The following ATP6V1H variants were observed in gnomAD, a reference collection of about 807,000 sequenced individuals.
ATP6V1H encodes the protein V-type proton ATPase subunit H.
Under a neutral mutation model 71.7 loss-of-function variants are expected in ATP6V1H, and 39 were observed. That is an observed-to-expected ratio of 0.54 (90% confidence interval 0.42 to 0.71). The LOEUF is 0.71. Ranked by LOEUF, ATP6V1H falls within the 30% of genes least tolerant of loss-of-function variation. The pLI, the probability that ATP6V1H is intolerant of heterozygous loss-of-function variation, is 0.00. For synonymous variants in ATP6V1H, 192 were observed against 199.3 expected (o/e 0.96, Z 0.31); for missense variants, 509 against 594.9 (o/e 0.86, Z 1.50).
At position 53,826,862 on chromosome 8, in the gene ATP6V1H, G is replaced by A. The variant is rs539416032; in HGVS notation, c.306+2582C>T. On this transcript the variant is annotated intron_variant, in intron 4 of 13. Coordinates refer to ENST00000359530, the MANE Select transcript of ATP6V1H (RefSeq NM_015941.4). ...AGTTACTCTGGAGGCAGAGGCAGGA[G>A]AATTGCTTGAACCCAGGAGGCAGAG... 1.5e-4 allele frequency among the ~76,000 whole-genome samples: 23 copies of A among 151,792 alleles called. No individual in the cohort carries two copies. In the South Asian group the frequency reaches 4.2e-3, roughly 27 times the overall value.
intron 11 of ATP6V1H, among the ~76,000 whole-genome samples, chr8:53,761,346 A>AAAG (rs1554558237): frequency 5.5e-4 from 84 of 152,258 alleles, no homozygotes; most frequent in African/African-American, 1.9e-3. Context: ...CAAAAAAAAA[A>AAAG]AAAAGAAAAA....
intron 12 of ATP6V1H, 154 bp downstream of exon 12, chr8:53,756,401 T>G: frequency 1.7e-6 from 1 of 582,786 alleles, no homozygotes; most frequent in South Asian, 2.7e-5. Flanking sequence ...CATTTTTAAC[T>G]GGGTTTATCA....
At position 53,817,405 on chromosome 8, in the gene ATP6V1H, T is replaced by C. The variant is rs748390801; in HGVS notation, c.420+12A>G. The C allele has an allele frequency of 1.9e-6, 3 of 1,571,032 alleles. No homozygotes were observed. The highest frequency in any genetic ancestry group is 1.4e-5 in the African/African-American group (1 of 73,492). On this transcript the variant is annotated intron_variant, in intron 5 of 13. Coordinates refer to ENST00000359530, the MANE Select transcript of ATP6V1H (RefSeq NM_015941.4). ...AATTTTAAAAAAAGAATCCAATCAATTCAAAATTTACCATATGAACAGTGA... is the reference window on the plus strand; with the variant it reads ...AATTTTAAAAAAAGAATCCAATCAACTCAAAATTTACCATATGAACAGTGA...
intron 11 of ATP6V1H, among the ~76,000 whole-genome samples, chr8:53,765,488 CACACA>C (rs1268021287): frequency 1.5e-5 from 2 of 134,774 alleles, no homozygotes; most frequent in Non-Finnish European, 3.1e-5. Context: ...CACACACACA[CACACA>C]CACACACAAG....
intron 4 of ATP6V1H, among the ~76,000 whole-genome samples, chr8:53,823,161 T>C (rs895555735): frequency 6.6e-6 from 1 of 152,178 alleles, no homozygotes; most frequent in African/African-American, 2.4e-5. Flanking sequence ...CTGATAAATA[T>C]AAATCAAACT....
rs576158327 is a variant in ATP6V1H, at chr8:53,839,866, A to G, written c.113+1712T>C. 3.0e-5 allele frequency: 30 copies of G among 985,544 alleles called. No individual in the cohort carries two copies. The South Asian group carries it at 1.2e-3, about 39-fold the overall frequency. 61.0% of individuals were successfully genotyped at this position (985,544 alleles called of 1,614,324 possible). On this transcript the variant is annotated intron_variant, in intron 2 of 13. Coordinates refer to ENST00000359530, the MANE Select transcript of ATP6V1H (RefSeq NM_015941.4). ...AAATCAGCTTGAAAAGCACTGACTG[A>G]TAGGATCAAGTCCAAACTCCTTCCA...
chr8:53,838,015 C>T (rs1193327803), intron 2 of ATP6V1H, among the ~76,000 whole-genome samples: 1 of 152,142 alleles, frequency 6.6e-6, no homozygotes, highest in Admixed American at 6.5e-5. Flanking sequence ...CCACACTGAA[C>T]TACCTGAAGC....
intron 7 of ATP6V1H, among the ~76,000 whole-genome samples, chr8:53,804,599 A>C (rs1317781061): frequency 1.3e-5 from 2 of 152,188 alleles, no homozygotes; most frequent in Non-Finnish European, 2.9e-5. Context: ...GCTTGAACCC[A>C]GGAGGTGGAA....
chr8:53,795,704 A>G lies in ATP6V1H; in HGVS notation c.813T>C (p.Asp271=), dbSNP rs1470473088. 5.6e-6 allele frequency: 9 copies of G among 1,613,970 alleles called. No individual in the cohort carries two copies. The highest frequency in any genetic ancestry group is 7.6e-6 in the Non-Finnish European group (9 of 1,179,962). The change falls in exon 9 of 14, where the codon GAT becomes GAC. Residue 271 remains aspartate (D), a synonymous_variant. Coordinates refer to ENST00000359530, the MANE Select transcript of ATP6V1H (RefSeq NM_015941.4). ...RRYNIIPVLS[D]ILQESVKEKV... is the part of the protein sequence containing the mutation. ...TCTCTTTGACAGACTCCTGAAGGAT[A>G]TCAGACAGAACTGGAATGATATTAT...
chr8:53,787,821 T>C (rs1436729518), intron 9 of ATP6V1H, among the ~76,000 whole-genome samples: 1 of 152,132 alleles, frequency 6.6e-6, no homozygotes, highest in African/African-American at 2.4e-5. Context: ...GCACTATGAA[T>C]AAGTGAGATT....
chr8:53,793,531 G>C (rs1809632269), intron 9 of ATP6V1H, among the ~76,000 whole-genome samples: 1 of 151,984 alleles, frequency 6.6e-6, no homozygotes. Context: ...TATAGTCCCA[G>C]CTACTTGGGA....
At chr8:53,763,694 C>T (rs1688525160) in intron 11 of ATP6V1H, among the ~76,000 whole-genome samples, 17 of 151,786 alleles carry the variant, frequency 1.1e-4, no homozygotes, top group Admixed American at 1.1e-3. Context: ...CCAATCCTCA[C>T]AGCAGGAAAA....
At chr8:53,786,333 G>A (rs184550414) in intron 9 of ATP6V1H, among the ~76,000 whole-genome samples, 30 of 152,330 alleles carry the variant, frequency 2.0e-4, no homozygotes, top group Middle Eastern at 6.8e-3. Context: ...AGGATCCTCC[G>A]AGCCAGTTGC....
chr8:53,739,277 G>GT lies in ATP6V1H; in HGVS notation c.1391+4299dup, dbSNP rs1007680522. The stretch of plus-strand genomic sequence containing the variant: ...AAAAATTAGCTAAAACACATAAGAG[G>GT]TTTTTTTTTCTTTAGTTCATAAGTA... On this transcript the variant is annotated intron_variant, in intron 13 of 13. Coordinates refer to ENST00000359530, the MANE Select transcript of ATP6V1H (RefSeq NM_015941.4). 2.3e-3 allele frequency among the ~76,000 whole-genome samples: 342 copies of GT among 151,330 alleles called. 1 individual carries two copies. Among genetic ancestry groups the GT allele is most frequent in the African/African-American group, 7.8e-3 (321 of 41,236 alleles).
intron 13 of ATP6V1H, 55 bp downstream of exon 13, chr8:53,743,522 G>T: frequency 7.9e-7 from 1 of 1,258,582 alleles, no homozygotes; most frequent in Non-Finnish European, 1.2e-6. Flanking sequence ...TTTTAGAATG[G>T]CAAGTGAGAG....
At chr8:53,759,578 G>C (rs947244175) in intron 11 of ATP6V1H, among the ~76,000 whole-genome samples, 1 of 152,202 alleles carries the variant, frequency 6.6e-6, no homozygotes, top group African/African-American at 2.4e-5. Flanking sequence ...CTCGACATTA[G>C]CTAGAAATGT....
intron 4 of ATP6V1H, among the ~76,000 whole-genome samples, chr8:53,822,437 T>TA (rs1212551627): frequency 6.6e-6 from 1 of 151,544 alleles, no homozygotes; most frequent in Non-Finnish European, 1.5e-5. Flanking sequence ...CTGTTGCAAA[T>TA]AAAAAAATAC....
At chr8:53,809,954 C>T in intron 7 of ATP6V1H, among the ~76,000 whole-genome samples, 1 of 152,170 alleles carries the variant, frequency 6.6e-6, no homozygotes, top group East Asian at 1.9e-4. Context: ...TCTGGCCTAA[C>T]ATATGAGTCA....
chr8:53,763,307 T>C (rs1808342210), intron 11 of ATP6V1H, among the ~76,000 whole-genome samples: 1 of 152,120 alleles, frequency 6.6e-6, no homozygotes, highest in African/African-American at 2.4e-5. Context: ...TTGCAATAAA[T>C]AATTGAAAAA....
Sources: allele counts gnomAD v4.1 joint callset (sites outside exome capture counted in the v4.1 genomes callset), GRCh38; gene constraint gnomAD v4.1.1; transcripts MANE v1.5; gene names NCBI Gene and HGNC (gene_info 2026-07-23, HGNC 2026-07-21).